CSMD1: variants seen among roughly 807,000 people sequenced by gnomAD.
CSMD1 encodes CUB and sushi domain-containing protein 1.
CSMD1 carries 213 observed loss-of-function variants against 417.5 expected under a neutral mutation model. That is an observed-to-expected ratio of 0.51 (90% CI 0.46 to 0.57). The LOEUF (loss-of-function observed/expected upper bound fraction) is 0.57, where lower values mean the gene tolerates loss of function less well. Among genes scored for constraint, CSMD1 ranks in the 20% least tolerant of loss-of-function variants. The pLI is 0.00. For missense variants in CSMD1, 6,923 were observed against 4,529.7 expected, an observed-to-expected ratio of 1.53 and a Z score of -15.17; for synonymous variants, 2,862 against 1,736.8, an observed-to-expected ratio of 1.65 and a Z score of -16.11.
At chr8:4,426,950 G>C (rs533775187) in intron 2 of CSMD1, among the ~76,000 whole-genome samples, 1 of 151,822 alleles carries the variant, frequency 6.6e-6, no homozygotes, top group Non-Finnish European at 1.5e-5. Flanking sequence ...AGAAGTATTC[G>C]GTCACTGGAT....
At chr8:3,806,940 AGG>A (rs1800773399) in intron 5 of CSMD1, among the ~76,000 whole-genome samples, 2 of 152,184 alleles carry the variant, frequency 1.3e-5, no homozygotes, top group Non-Finnish European at 2.9e-5. Context: ...ATTGTCAGAT[AGG>A]ATTTAATCCA....
At chr8:3,406,534 C>G (rs936556739) in intron 14 of CSMD1, among the ~76,000 whole-genome samples, 2 of 152,112 alleles carry the variant, frequency 1.3e-5, no homozygotes, top group Non-Finnish European at 2.9e-5. Context: ...AGTGTCTGGG[C>G]TCAAGATTTC....
At chr8:4,696,494 T>G (rs1453251115) in intron 1 of CSMD1, among the ~76,000 whole-genome samples, 1 of 152,200 alleles carries the variant, frequency 6.6e-6, no homozygotes, top group Non-Finnish European at 1.5e-5. Flanking sequence ...ACTTCAGAGA[T>G]CTGTAGAGGA....
At chr8:3,151,343 C>G (rs1819181099) in intron 40 of CSMD1, 54 bp downstream of exon 40, 1 of 1,148,512 alleles carries the variant, frequency 8.7e-7, no homozygotes, top group African/African-American at 1.5e-5. Context: ...TAATTCTTTC[C>G]AAGATGGAAA....
chr8:4,253,187 C>A (rs1803203365), intron 3 of CSMD1, among the ~76,000 whole-genome samples: 1 of 152,126 alleles, frequency 6.6e-6, no homozygotes, highest in Non-Finnish European at 1.5e-5. Flanking sequence ...GGTCTATTCT[C>A]CTCTTCTACG....
At chr8:3,888,802 A>G (rs1449931507) in intron 5 of CSMD1, among the ~76,000 whole-genome samples, 2 of 152,192 alleles carry the variant, frequency 1.3e-5, no homozygotes, top group Non-Finnish European at 1.5e-5. Flanking sequence ...TAGCCCTTCT[A>G]AAATGAGCTA....
At chr8:3,001,972 C>T (rs1807442887) in intron 52 of CSMD1, among the ~76,000 whole-genome samples, 2 of 152,152 alleles carry the variant, frequency 1.3e-5, no homozygotes, top group South Asian at 2.1e-4. Flanking sequence ...TTTTGGAGAA[C>T]AAACTTATTA....
intron 1 of CSMD1, among the ~76,000 whole-genome samples, chr8:4,746,092 G>A (rs117407134): frequency 0.021 from 3,139 of 152,220 alleles, 30 homozygotes; most frequent in South Asian, 0.031. Context: ...CAGAAACCCC[G>A]TGACTTCACT....
chr8:3,489,684 T>C (rs1258867994), intron 11 of CSMD1, among the ~76,000 whole-genome samples: 2 of 152,224 alleles, frequency 1.3e-5, no homozygotes, highest in African/African-American at 2.4e-5. Flanking sequence ...TTTATTCTTT[T>C]ATATTGTGCC....
In CSMD1 at chr8:4,696,240, G is replaced by C. The variant is rs115764548; in HGVS notation, c.86-58682C>G. 2.7e-3 allele frequency among the ~76,000 whole-genome samples: 405 copies of C among 152,324 alleles called. 5 individuals carry two copies. The highest frequency in any genetic ancestry group is 9.5e-3 in the African/African-American group (393 of 41,582). On this transcript the variant is annotated intron_variant, in intron 1 of 69. Transcript: ENST00000635120. Reference sequence around the variant, plus strand: ...GTCTATGGACATGACAGATATGATAGATACACATAAGAATTCAATAGTTGC... The same window carrying C: ...GTCTATGGACATGACAGATATGATACATACACATAAGAATTCAATAGTTGC...
chr8:3,439,114 C>A (rs1390683447), intron 12 of CSMD1, among the ~76,000 whole-genome samples: 1 of 46,890 alleles, frequency 2.1e-5, no homozygotes, highest in African/African-American at 1.1e-4. Context: ...CAGAGCAAGA[C>A]TCCATCTCAA....
chr8:4,081,743 G>C (rs183000301), intron 3 of CSMD1, among the ~76,000 whole-genome samples: 2 of 152,260 alleles, frequency 1.3e-5, no homozygotes, highest in Admixed American at 6.5e-5. Context: ...AAGGTAACAA[G>C]AGTATTTTTT....
chr8:4,527,763 C>A (rs934554958), intron 2 of CSMD1, among the ~76,000 whole-genome samples: 11 of 152,148 alleles, frequency 7.2e-5, no homozygotes, highest in African/African-American at 2.7e-4. Context: ...ACACTACAAT[C>A]GTAGCTATTC....
intron 1 of CSMD1, among the ~76,000 whole-genome samples, chr8:4,730,188 T>C (rs1354806512): frequency 2.0e-5 from 3 of 151,496 alleles, no homozygotes; most frequent in Non-Finnish European, 2.9e-5. Flanking sequence ...AAGAAAGGGA[T>C]GGAAAAGAGG....
At chr8:4,045,288 C>T (rs1223764275) in intron 3 of CSMD1, among the ~76,000 whole-genome samples, 1 of 152,206 alleles carries the variant, frequency 6.6e-6, no homozygotes, top group Non-Finnish European at 1.5e-5. Flanking sequence ...ACATATACTA[C>T]AGGAATTCTG....
chr8:4,119,852 G>C (rs983565236), intron 3 of CSMD1, among the ~76,000 whole-genome samples: 6 of 152,174 alleles, frequency 3.9e-5, no homozygotes, highest in Admixed American at 2.0e-4. Context: ...TATGTTTCTG[G>C]AGACACATCT....
At chr8:3,871,693 C>G (rs1032912374) in intron 5 of CSMD1, among the ~76,000 whole-genome samples, 1 of 152,094 alleles carries the variant, frequency 6.6e-6, no homozygotes, top group African/African-American at 2.4e-5. Flanking sequence ...CATTTTCACC[C>G]AGGTAAATGT....
chr8:3,972,046 T>C (rs1245554618), intron 5 of CSMD1, among the ~76,000 whole-genome samples: 3 of 151,990 alleles, frequency 2.0e-5, no homozygotes, highest in Non-Finnish European at 4.4e-5. Context: ...AATTTGTAAA[T>C]TTTTCATAGA....
chr8:4,615,216 G>A (rs917505064), intron 2 of CSMD1, among the ~76,000 whole-genome samples: 15 of 152,220 alleles, frequency 9.9e-5, no homozygotes, highest in Admixed American at 5.9e-4. Flanking sequence ...AAGGAAATAC[G>A]TGTGTGTACC....
Sources: allele counts gnomAD v4.1 joint callset (sites outside exome capture counted in the v4.1 genomes callset), GRCh38; gene constraint gnomAD v4.1.1; transcripts MANE v1.5; gene names NCBI Gene and HGNC (gene_info 2026-07-23, HGNC 2026-07-21).